Variants in IARS2 observed in about 807,000 individuals in gnomAD.
IARS2 encodes the protein isoleucine--tRNA ligase, mitochondrial.
IARS2 carries 56 observed loss-of-function variants against 126.3 expected under a neutral mutation model. The observed-to-expected ratio is 0.44, with a 90% confidence interval of 0.36 to 0.55. The LOEUF is 0.55. Ranked by LOEUF, IARS2 falls within the 20% of genes least tolerant of loss-of-function variation. IARS2 has a pLI of 0.00. For synonymous variants in IARS2, 407 were observed against 441.1 expected, an observed-to-expected ratio of 0.92 and a Z score of 0.97; for missense variants, 1,127 against 1,245.9, an observed-to-expected ratio of 0.90 and a Z score of 1.44.
intron 10 of IARS2, among the ~76,000 whole-genome samples, chr1:220,108,348 C>T (rs1323035387): frequency 6.6e-6 from 1 of 151,520 alleles, no homozygotes; most frequent in African/African-American, 2.4e-5. Context: ...AGGCGTGAGC[C>T]CTCACTGTGT....
At chr1:220,097,958 T>C (rs990405338) in intron 2 of IARS2, among the ~76,000 whole-genome samples, 17 of 151,996 alleles carry the variant, frequency 1.1e-4, no homozygotes, top group African/African-American at 4.1e-4. Context: ...CACTGCAAGC[T>C]CCGTCTCCCG....
In IARS2 at chr1:220,147,849, G is replaced by A. The variant is rs1017017535; in HGVS notation, c.*214G>A. The A allele has an allele frequency of 9.9e-5, 53 of 535,936 alleles. No individual in the cohort carries two copies. Among genetic ancestry groups the A allele is most frequent in the Non-Finnish European group, 1.6e-4 (50 of 303,334 alleles). 33.2% of individuals were successfully genotyped at this position (535,936 alleles called of 1,614,324 possible). A position where few individuals can be genotyped will look rare whatever the true frequency, so the allele number is the denominator to read the frequency against. On this transcript the variant is annotated 3_prime_UTR_variant, in exon 23 of 23. Coordinates refer to ENST00000366922, the MANE Select transcript of IARS2 (RefSeq NM_018060.4). ...TATACATGCAGAAATATATATGTGT[G>A]TGTGTATCTGTGGATGGATATATGT...
chr1:220,145,398 T>C, intron 21 of IARS2, 111 bp from the exon 22 acceptor site: 3 of 885,856 alleles, frequency 3.4e-6, no homozygotes, highest in Non-Finnish European at 5.0e-6. Flanking sequence ...GATGCAATGG[T>C]ATACCAGAAG....
intron 11 of IARS2, among the ~76,000 whole-genome samples, chr1:220,111,933 T>C (rs1482466764): frequency 3.3e-5 from 5 of 152,136 alleles, no homozygotes; most frequent in Admixed American, 3.3e-4. Flanking sequence ...GATTTTTGGT[T>C]GTAGAACATC....
At chr1:220,101,714 T>G (rs911437588) in intron 3 of IARS2, among the ~76,000 whole-genome samples, 1 of 151,600 alleles carries the variant, frequency 6.6e-6, no homozygotes, top group African/African-American at 2.4e-5. Context: ...AAAAAAAAAT[T>G]TTGTGCTCGG....
chr1:220,115,310 C>A lies in IARS2; in HGVS notation c.1640+836C>A, dbSNP rs528482527. 1.2e-4 allele frequency among the ~76,000 whole-genome samples: 18 copies of A among 152,270 alleles called. No homozygotes were observed. The East Asian group carries it at 3.5e-3, about 29-fold the overall frequency. On this transcript the variant is annotated intron_variant, in intron 12 of 22. Coordinates refer to ENST00000366922, the MANE Select transcript of IARS2 (RefSeq NM_018060.4). Reference sequence around the variant, plus strand: ...AGGTGCGGTGGCTCACGCCTGTAATCCCAGCCCTTTGGGAGGCCGAGGCTG... The same window carrying A: ...AGGTGCGGTGGCTCACGCCTGTAATACCAGCCCTTTGGGAGGCCGAGGCTG...
At chr1:220,142,008 T>C in intron 20 of IARS2, 60 bp downstream of exon 20, 1 of 1,488,628 alleles carries the variant, frequency 6.7e-7, no homozygotes, top group South Asian at 1.2e-5. Context: ...GTGCAACTTC[T>C]ACTTCTATCT....
chr1:220,115,522 T>A (rs1311477017), intron 12 of IARS2, among the ~76,000 whole-genome samples: 2 of 152,110 alleles, frequency 1.3e-5, no homozygotes, highest in African/African-American at 4.8e-5. Context: ...ATCGTGCCAC[T>A]GGACTCCAGC....
At chr1:220,125,710 G>T (rs920246299) in intron 13 of IARS2, among the ~76,000 whole-genome samples, 1 of 150,718 alleles carries the variant, frequency 6.6e-6, no homozygotes, top group African/African-American at 2.4e-5. Flanking sequence ...GAGGTTGAGG[G>T]GGGAGGATGG....
intron 15 of IARS2, among the ~76,000 whole-genome samples, chr1:220,135,917 T>A (rs1657365393): frequency 6.6e-6 from 1 of 151,888 alleles, no homozygotes; most frequent in Non-Finnish European, 1.5e-5. Flanking sequence ...CATGCCCATT[T>A]GTGACTAATC....
Position 220,120,049 on chromosome 1 carries a change from T to C in IARS2, c.1641-5188T>C, listed in dbSNP as rs140740470. 7.1e-3 allele frequency among the ~76,000 whole-genome samples: 1,075 copies of C among 152,178 alleles called. 17 individuals carry two copies. Among genetic ancestry groups the C allele is most frequent in the African/African-American group, 0.024 (1,013 of 41,548 alleles). The stretch of plus-strand genomic sequence containing the variant: ...TGGGTTATATGTCTGTTTATTTTTA[T>C]TGCAATTTTTGTTTTCAAAGCTCTC... On this transcript the variant is annotated intron_variant, in intron 12 of 22. Coordinates refer to ENST00000366922, the MANE Select transcript of IARS2 (RefSeq NM_018060.4).
intron 1 of IARS2, 26 bp downstream of exon 1, chr1:220,094,509 C>T: frequency 1.3e-6 from 2 of 1,552,080 alleles, no homozygotes; most frequent in East Asian, 4.8e-5. Flanking sequence ...CGGCGCGGGG[C>T]CTCCAGAGAG....
intron 12 of IARS2, among the ~76,000 whole-genome samples, chr1:220,115,947 A>G (rs1273637159): frequency 6.6e-6 from 1 of 152,070 alleles, no homozygotes; most frequent in Admixed American, 6.6e-5. Flanking sequence ...TTATGTGGGC[A>G]CAGTGGCTCA....
intron 3 of IARS2, 65 bp from the exon 4 acceptor site, chr1:220,102,064 C>T: frequency 1.4e-6 from 2 of 1,451,320 alleles, no homozygotes; most frequent in South Asian, 1.2e-5. Context: ...GAGATACATG[C>T]TAAACCATGT....
At chr1:220,100,295 T>C (rs1656544967) in intron 2 of IARS2, among the ~76,000 whole-genome samples, 195 bp from the exon 3 acceptor site, 1 of 152,074 alleles carries the variant, frequency 6.6e-6, no homozygotes, top group Non-Finnish European at 1.5e-5. Flanking sequence ...TGTCAATAGT[T>C]TTTTTATGAG....
chr1:220,112,733 A>AT (rs201617617), intron 11 of IARS2, among the ~76,000 whole-genome samples: 2 of 150,632 alleles, frequency 1.3e-5, no homozygotes, highest in East Asian at 4.0e-4. Context: ...TAATTTTTGT[A>AT]TTTTTTCTAG....
At position 220,136,819 on chromosome 1, in the gene IARS2, G is replaced by T. The variant is rs937071809; in HGVS notation, c.1957G>T (p.Val653Phe). 1 of 1,587,764 alleles carries T rather than the reference G, an allele frequency of 6.3e-7. No individual in the cohort carries two copies. The highest frequency in any genetic ancestry group is 8.6e-7 in the Non-Finnish European group (1 of 1,157,648). ...GATTTGTCCCTTTAGGACAGTGATT[G>T]TTCATGGATTTACCCTTGGAGAAAA... is the stretch of plus-strand genomic sequence containing the variant. ...RKRAPYKTVI[V>F]HGFTLGEKGE... is the part of the protein sequence containing the mutation. Residue 653 changes from valine (V) to phenylalanine (F), a missense_variant, in exon 16 of 23, where the codon GTT (valine) becomes TTT (phenylalanine). Coordinates refer to ENST00000366922, the MANE Select transcript of IARS2 (RefSeq NM_018060.4).
chr1:220,143,355 T>TA (rs899735796), intron 21 of IARS2: 62 of 335,874 alleles, frequency 1.8e-4, no homozygotes, highest in Middle Eastern at 8.3e-4. Flanking sequence ...GTGTCTAAAT[T>TA]AAAAAAAAAT....
chr1:220,115,975 CT>C (rs977165402), intron 12 of IARS2, among the ~76,000 whole-genome samples: 2 of 152,160 alleles, frequency 1.3e-5, no homozygotes, highest in African/African-American at 4.8e-5. Context: ...AATCCCAGCA[CT>C]TTGGGAGGCC....
Sources: allele counts gnomAD v4.1 joint callset (sites outside exome capture counted in the v4.1 genomes callset), GRCh38; gene constraint gnomAD v4.1.1; transcripts MANE v1.5; gene names NCBI Gene and HGNC (gene_info 2026-07-23, HGNC 2026-07-21).